The following MICAL3 variants were observed in gnomAD, a reference collection of about 807,000 sequenced individuals.
The protein encoded by MICAL3 is microtubule associated monooxygenase, calponin and LIM domain containing 3, also known as [F-actin]-monooxygenase MICAL3.
Under a neutral mutation model 207.4 loss-of-function variants are expected in MICAL3, and 62 were observed. The ratio of observed to expected loss-of-function variants is 0.30; its 90% CI spans 0.24 to 0.37. The LOEUF (loss-of-function observed/expected upper bound fraction) is 0.37. MICAL3 is among the 10% of genes least tolerant of loss of function. MICAL3 has a pLI of 1.00. For synonymous variants in MICAL3, 1,077 were observed against 1,069.3 expected, an observed-to-expected ratio of 1.01 and a Z score of -0.14; for missense variants, 2,368 against 2,635.6, an observed-to-expected ratio of 0.90 and a Z score of 2.22.
At chr22:17,881,350 G>A (rs1418275591) in intron 16 of MICAL3, 1 of 1,490,518 alleles carries the variant, frequency 6.7e-7, no homozygotes, top group Non-Finnish European at 9.2e-7. Flanking sequence ...TTCAAACAGT[G>A]GCCATGTGGA....
chr22:17,888,635 G>C (rs993563276), intron 13 of MICAL3, among the ~76,000 whole-genome samples: 1 of 152,176 alleles, frequency 6.6e-6, no homozygotes, highest in East Asian at 1.9e-4. Context: ...CTGGGGAACA[G>C]CTGCAGTAGC....
Position 17,902,167 on chromosome 22 carries a change from G to A in MICAL3, c.590-188C>T, listed in dbSNP as rs1244323103. 3.3e-5 allele frequency among the ~76,000 whole-genome samples: 5 copies of A among 152,194 alleles called. No homozygotes were observed. Among genetic ancestry groups the A allele is most frequent in the Non-Finnish European group, 7.3e-5 (5 of 68,028 alleles). On this transcript the variant is annotated intron_variant, in intron 4 of 31. Coordinates refer to ENST00000441493, the MANE Select transcript of MICAL3 (RefSeq NM_015241.3). This position sits in a 1 kb window ranked among gnomAD's most constrained non-coding sequence, Gnocchi z 4.5. ...TAATCCCAGCACTATGCGAGGCAGAGGCTGGCAGACTACTTGAGGCCAGGA... is the reference window on the plus strand; with the variant it reads ...TAATCCCAGCACTATGCGAGGCAGAAGCTGGCAGACTACTTGAGGCCAGGA...
rs562164235 is a variant in MICAL3, at chr22:17,993,530, A to G, written c.-75+30751T>C. ...TTCCACAACTTGGGAATCAGAAGGA[A>G]GAGAAGGGCTTCTTCATCTTTTCCA... On this transcript the variant is annotated intron_variant, in intron 1 of 31. Coordinates refer to ENST00000441493, the MANE Select transcript of MICAL3 (RefSeq NM_015241.3). 3.0e-3 allele frequency among the ~76,000 whole-genome samples: 456 copies of G among 152,266 alleles called. 3 individuals are homozygous for G. The highest frequency in any genetic ancestry group is 6.8e-3 in the Middle Eastern group (2 of 294).
chr22:17,798,828 C>T (rs964044260), intron 29 of MICAL3, among the ~76,000 whole-genome samples: 2 of 151,884 alleles, frequency 1.3e-5, no homozygotes, highest in East Asian at 3.9e-4. Context: ...CGCCCGCCAC[C>T]ACACCCGGCT....
rs1929999564 is a variant in MICAL3 at position 17,887,238 on chromosome 22, C to T, written c.2005-6G>A. The T allele has an allele frequency of 6.2e-7, 1 of 1,613,228 alleles. No individual in the cohort carries two copies. Among genetic ancestry groups the T allele is most frequent in the Non-Finnish European group, 8.5e-7 (1 of 1,179,518 alleles). The stretch of plus-strand genomic sequence containing the variant: ...AAGTCCTTTTCCTTTTTATCCTGTA[C>T]CAAGGGAGGAGGGAAACTGCATTAT... On this transcript the variant is annotated splice_polypyrimidine_tract_variant and splice_region_variant and intron_variant, in intron 14 of 31. Coordinates refer to ENST00000441493, the MANE Select transcript of MICAL3 (RefSeq NM_015241.3).
At position 17,896,984 on chromosome 22, in the gene MICAL3, G is replaced by T. The variant is rs1427466447; in HGVS notation, c.949-3C>A. Reference sequence around the variant, plus strand: ...AGGAGCTCTGTGTCGGCGTAGTCCTGTCTCCAGAGAAAGAGGAGGGTAGGG... The same window carrying T: ...AGGAGCTCTGTGTCGGCGTAGTCCTTTCTCCAGAGAAAGAGGAGGGTAGGG... On this transcript the variant is annotated splice_region_variant and splice_polypyrimidine_tract_variant and intron_variant, in intron 7 of 31. Coordinates refer to ENST00000441493, the MANE Select transcript of MICAL3 (RefSeq NM_015241.3). 6.2e-7 allele frequency: 1 copy of T among 1,608,926 alleles called. No individual in the cohort carries two copies. Among genetic ancestry groups the T allele is most frequent in the South Asian group, 1.1e-5 (1 of 90,652 alleles).
chr22:17,804,726 T>C (rs971128515), intron 29 of MICAL3, among the ~76,000 whole-genome samples: 4 of 152,266 alleles, frequency 2.6e-5, no homozygotes, highest in Admixed American at 2.0e-4. Flanking sequence ...TCGGCCGCCA[T>C]GGTGTTGCCC....
chr22:17,815,872 CTATT>C (rs1920979034), intron 27 of MICAL3, among the ~76,000 whole-genome samples: 1 of 152,236 alleles, frequency 6.6e-6, no homozygotes, highest in Non-Finnish European at 1.5e-5. Context: ...CCTGACTGGG[CTATT>C]GGACGGCAGG....
At chr22:17,899,625 A>G in intron 6 of MICAL3, 77 bp from the exon 7 acceptor site, 2 of 894,592 alleles carry the variant, frequency 2.2e-6, no homozygotes, top group Non-Finnish European at 3.6e-6. Flanking sequence ...AAGGTTACAC[A>G]CAGGCCTACA....
intron 19 of MICAL3, chr22:17,860,583 A>G: frequency 1.0e-6 from 1 of 985,512 alleles, no homozygotes; most frequent in Non-Finnish European, 1.2e-6. Context: ...GTCTTGCAGA[A>G]AAGAGCTGAA....
chr22:18,021,157 C>A (rs1222195891), intron 1 of MICAL3, among the ~76,000 whole-genome samples: 1 of 152,192 alleles, frequency 6.6e-6, no homozygotes, highest in Non-Finnish European at 1.5e-5. Flanking sequence ...CCCCCAGTGG[C>A]CTGTGCCATA....
At chr22:17,893,982 T>A in intron 10 of MICAL3, 78 bp from the exon 11 acceptor site, 1 of 1,084,078 alleles carries the variant, frequency 9.2e-7, no homozygotes, top group Non-Finnish European at 1.4e-6. Flanking sequence ...GCAGAATGGC[T>A]GAAAGGAAAG....
At chr22:17,947,766 G>A (rs1165067712) in intron 1 of MICAL3, among the ~76,000 whole-genome samples, 1 of 152,110 alleles carries the variant, frequency 6.6e-6, no homozygotes, top group Non-Finnish European at 1.5e-5. Context: ...ATGGCATCTT[G>A]CTATGTCACC....
At chr22:17,824,549 T>C (rs1266443893) in intron 22 of MICAL3, among the ~76,000 whole-genome samples, 3 of 152,222 alleles carry the variant, frequency 2.0e-5, no homozygotes, top group Admixed American at 2.0e-4. Flanking sequence ...TATGCACAGT[T>C]TGTAAGATGA....
chr22:17,811,283 A>G (rs906004659), intron 27 of MICAL3: 1 of 154,700 alleles, frequency 6.5e-6, no homozygotes, highest in Non-Finnish European at 1.4e-5. Flanking sequence ...AGGGGAAGCA[A>G]AGAGAAATCG....
chr22:17,863,148 G>A, intron 19 of MICAL3: 1 of 985,410 alleles, frequency 1.0e-6, no homozygotes, highest in South Asian at 4.7e-5. Flanking sequence ...TCAATTAGAT[G>A]GCAAGAATGG....
chr22:17,979,381 C>A (rs1026057312), intron 1 of MICAL3, among the ~76,000 whole-genome samples: 1 of 151,770 alleles, frequency 6.6e-6, no homozygotes, highest in Non-Finnish European at 1.5e-5. Context: ...CCCGTCTCTA[C>A]TAAAAATACA....
chr22:17,791,369 G>A (rs903739914), intron 29 of MICAL3, 68 bp from the exon 30 acceptor site: 43 of 1,342,162 alleles, frequency 3.2e-5, no homozygotes, highest in Middle Eastern at 1.8e-4. Context: ...GGAATCACAC[G>A]GGGCAAATGT....
intron 5 of MICAL3, 71 bp downstream of exon 5, chr22:17,901,807 C>A: frequency 1.6e-6 from 2 of 1,229,258 alleles, no homozygotes; most frequent in Non-Finnish European, 1.2e-6. Flanking sequence ...CACGCACAGT[C>A]TCGCCCCAGA....
Sources: allele counts gnomAD v4.1 joint callset (sites outside exome capture counted in the v4.1 genomes callset), GRCh38; gene constraint gnomAD v4.1.1; non-coding constraint Gnocchi (gnomAD v3.1); transcripts MANE v1.5; gene names NCBI Gene and HGNC (gene_info 2026-07-23, HGNC 2026-07-21).